The following DGKZ variants were observed in gnomAD, a reference collection of about 807,000 sequenced individuals.
DGKZ encodes the protein diacylglycerol kinase zeta, also known as DAG kinase zeta.
A neutral mutation model predicts 142.5 loss-of-function variants in DGKZ; 45 were observed. That is an observed-to-expected ratio of 0.32 (90% CI 0.25 to 0.40). DGKZ has a LOEUF of 0.40. Ranked by LOEUF, DGKZ falls within the 10% of genes least tolerant of loss-of-function variation. The pLI is 1.00. For missense variants in DGKZ, 755 were observed against 1,306.5 expected, an observed-to-expected ratio of 0.58 and a Z score of 6.51; for synonymous variants, 442 against 527.0, an observed-to-expected ratio of 0.84 and a Z score of 2.21.
chr11:46,374,347 AC>A, intron 15 of DGKZ, 51 bp from the exon 16 acceptor site: 1 of 1,613,248 alleles, frequency 6.2e-7, no homozygotes, highest in Non-Finnish European at 8.5e-7. Context: ...CCCCAACCCC[AC>A]CTGGGCAGGC....
upstream of DGKZ, among the ~76,000 whole-genome samples, chr11:46,346,215 TAAGGC>T: frequency 6.6e-6 from 1 of 152,172 alleles, no homozygotes; most frequent in Admixed American, 6.5e-5. Context: ...TGCGGCTGAC[TAAGGC>T]TGGAAAACGG....
Position 46,372,495 on chromosome 11 carries a change from G to A in DGKZ, c.995G>A (p.Gly332Glu), listed in dbSNP as rs760838186. The change falls in exon 11 of 31, where the codon GGA becomes GAA. Residue 332 changes from glycine to glutamate, a missense_variant. This residue lies in a region of DGKZ where 191 missense variants were observed against 472.1 expected (regional missense o/e 0.40). Transcript: ENST00000527911. This position sits in a 1 kb window ranked among gnomAD's most constrained non-coding sequence, Gnocchi z 5.9. Reference sequence around the variant, plus strand: ...CGACAAGTCTTCGACCTGAGCCAGGGAGGGCCCAAGGAGGCGTAAGTACTT... The same window carrying A: ...CGACAAGTCTTCGACCTGAGCCAGGAAGGGCCCAAGGAGGCGTAAGTACTT... The A allele has an allele frequency of 2.5e-6, 4 of 1,613,892 alleles. No homozygotes were observed. Among genetic ancestry groups the A allele is most frequent in the African/African-American group, 2.7e-5 (2 of 74,898 alleles).
In DGKZ at chr11:46,372,316, C is replaced by A; in HGVS notation, c.928-112C>A. ...TCCTGAGAAAATCCTGTCCTTTCTC[C>A]ACCCCTCACCCCTTATTGGCCCTGG... On this transcript the variant is annotated intron_variant, in intron 10 of 30. Coordinates refer to ENST00000527911, the Ensembl canonical transcript of DGKZ. The surrounding 1 kb of genome is among the most constrained non-coding windows in gnomAD (Gnocchi z 5.9). 1 of 1,351,006 alleles carries A rather than the reference C, an allele frequency of 7.4e-7. No individual in the cohort carries two copies. Among genetic ancestry groups the A allele is most frequent in the Non-Finnish European group, 1.0e-6 (1 of 964,272 alleles). The allele number at this position is 1,351,006 out of a possible 1,614,324, so 83.7% of individuals were successfully genotyped here.
Position 46,375,062 on chromosome 11 carries a change from C to T in DGKZ, c.1710+17C>T. 6.4e-7 allele frequency: 1 copy of T among 1,570,368 alleles called. No homozygotes were observed. Among genetic ancestry groups the T allele is most frequent in the Non-Finnish European group, 8.6e-7 (1 of 1,164,586 alleles). On this transcript the variant is annotated intron_variant, in intron 19 of 30. Coordinates refer to ENST00000527911, the Ensembl canonical transcript of DGKZ. ...ACGTCGTTGGTGAGTGGGCCCTGGGCCCATGGTGCCTGGGAGCACAGCCCA... is the reference window on the plus strand; with the variant it reads ...ACGTCGTTGGTGAGTGGGCCCTGGGTCCATGGTGCCTGGGAGCACAGCCCA...
intron 4 of DGKZ, chr11:46,368,335 G>C: frequency 1.9e-6 from 1 of 533,742 alleles, no homozygotes; most frequent in East Asian, 3.8e-5. Context: ...GGAATGAATT[G>C]ACGAATGGTG....
At position 46,366,671 on chromosome 11, in the gene DGKZ, A is replaced by G. The variant is rs373042614; in HGVS notation, c.162-620A>G. ...ATCGAGCGCCATCCAGCCAGGCACC[A>G]AGACACCAGGGCCACCCCCACCTCG... On this transcript the variant is annotated intron_variant, in intron 1 of 30. Coordinates refer to ENST00000527911, the Ensembl canonical transcript of DGKZ. 2 of 1,588,942 alleles carry G rather than the reference A, an allele frequency of 1.3e-6. No individual in the cohort carries two copies. The highest frequency in any genetic ancestry group is 8.6e-7 in the Non-Finnish European group (1 of 1,168,356).
At chr11:46,347,348 G>T (rs1444985129), upstream of DGKZ, 37 of 984,662 alleles carry the variant, frequency 3.8e-5, no homozygotes, top group Non-Finnish European at 3.9e-5. This position sits in a 1 kb window ranked among gnomAD's most constrained non-coding sequence, Gnocchi z 6.4. Context: ...AGCGCAGCGG[G>T]CGTCCGGCAG....
intron 1 of DGKZ, among the ~76,000 whole-genome samples, chr11:46,336,893 C>T (rs931913204): frequency 4.6e-5 from 7 of 152,102 alleles, no homozygotes; most frequent in South Asian, 2.1e-4. Context: ...TGGTTGCATG[C>T]GTCTGTAGTC....
At chr11:46,366,529 G>C (rs773661398) in intron 1 of DGKZ, 1 of 1,596,382 alleles carries the variant, frequency 6.3e-7, no homozygotes, top group Non-Finnish European at 8.5e-7. Context: ...TGGATAAGGT[G>C]CTCACTCCAC....
At chr11:46,376,301 C>T in intron 22 of DGKZ, 27 bp from the exon 23 acceptor site, 1 of 1,613,692 alleles carries the variant, frequency 6.2e-7, no homozygotes, top group African/African-American at 1.3e-5. Flanking sequence ...CACTCTATCC[C>T]AGCCTGGCCT....
intron 19 of DGKZ, 42 bp downstream of exon 19, chr11:46,375,087 A>G: frequency 6.6e-7 from 1 of 1,520,058 alleles, no homozygotes; most frequent in African/African-American, 1.4e-5. Flanking sequence ...AGCACAGCCC[A>G]AAGGTGGAAG....
chr11:46,366,387 C>T (rs754756470), intron 1 of DGKZ: 1 of 1,526,078 alleles, frequency 6.6e-7, no homozygotes, highest in African/African-American at 1.4e-5. Flanking sequence ...CAGGCCTCCT[C>T]CTCACTGGCA....
upstream of DGKZ, among the ~76,000 whole-genome samples, chr11:46,344,167 C>A (rs1038200450): frequency 2.0e-5 from 3 of 152,094 alleles, no homozygotes; most frequent in African/African-American, 4.8e-5. Flanking sequence ...CCAGGCTAGT[C>A]TCAAACTCCT....
rs1944443850 is a variant in DGKZ, at chr11:46,375,646, G to C, written c.1910+15G>C. The C allele has an allele frequency of 6.5e-7, 1 of 1,544,414 alleles. No individual in the cohort carries two copies. The highest frequency in any genetic ancestry group is 1.9e-5 in the Admixed American group (1 of 52,388). On this transcript the variant is annotated intron_variant, in intron 20 of 30. Transcript: ENST00000527911. ...CTGCACAGCGAGTACGTCCCACCCT[G>C]CCACGTGCCCTGGGTGCCAAGGCCA... is the stretch of plus-strand genomic sequence containing the variant.
intron 1 of DGKZ, among the ~76,000 whole-genome samples, chr11:46,355,532 C>T (rs1167624373): frequency 6.6e-6 from 1 of 152,202 alleles, no homozygotes; most frequent in Non-Finnish European, 1.5e-5. Context: ...TTTATCAGAT[C>T]AGGAAACTGA....
intron 1 of DGKZ, among the ~76,000 whole-genome samples, chr11:46,349,822 C>G (rs1020053058): frequency 1.3e-5 from 2 of 152,188 alleles, no homozygotes; most frequent in African/African-American, 4.8e-5. Flanking sequence ...AAATCCACAT[C>G]CCTTTCTCTA....
At chr11:46,378,063 C>T (rs758003655) in intron 25 of DGKZ, 135 bp from the exon 26 acceptor site, 4 of 1,124,300 alleles carry the variant, frequency 3.6e-6, no homozygotes, top group South Asian at 1.3e-5. Context: ...ATCCCCAGTG[C>T]CTGGAATAGT....
At chr11:46,347,444 T>A (rs1940763026), upstream of DGKZ, 9 of 981,492 alleles carry the variant, frequency 9.2e-6, no homozygotes, top group Non-Finnish European at 9.7e-6. This position sits in a 1 kb window ranked among gnomAD's most constrained non-coding sequence, Gnocchi z 6.4. Context: ...CTATGCGGGG[T>A]CCTGCGGCCG....
upstream of DGKZ, among the ~76,000 whole-genome samples, chr11:46,346,365 A>G (rs1232163555): frequency 6.6e-6 from 1 of 151,990 alleles, no homozygotes; most frequent in African/African-American, 2.4e-5. Context: ...GTGGAAGACC[A>G]TGCTTCCCAG....
Sources: allele counts gnomAD v4.1 joint callset (sites outside exome capture counted in the v4.1 genomes callset), GRCh38; gene constraint gnomAD v4.1.1; regional missense constraint gnomAD v4.1.1; non-coding constraint Gnocchi (gnomAD v3.1); transcripts MANE v1.5; gene names NCBI Gene and HGNC (gene_info 2026-07-23, HGNC 2026-07-21).